Variants in SLC44A1 observed in about 807,000 individuals in gnomAD.
SLC44A1 encodes solute carrier family 44 member 1, also known as choline transporter-like protein 1.
A neutral mutation model predicts 79.3 loss-of-function variants in SLC44A1; 26 were observed. That is an observed-to-expected ratio of 0.33 (90% CI 0.24 to 0.46). The LOEUF (loss-of-function observed/expected upper bound fraction) is 0.46. SLC44A1 is among the 20% of genes least tolerant of loss of function. The pLI, the probability that SLC44A1 is intolerant of heterozygous loss-of-function variation, is 1.00. For missense variants in SLC44A1, 688 were observed against 798.1 expected (o/e 0.86, Z 1.66); for synonymous variants, 263 against 286.2 (o/e 0.92, Z 0.82).
At chr9:105,354,194 G>T (rs1356464816) in intron 5 of SLC44A1, among the ~76,000 whole-genome samples, 1 of 150,126 alleles carries the variant, frequency 6.7e-6, no homozygotes, top group Non-Finnish European at 1.5e-5. Flanking sequence ...GGGACTACAG[G>T]CGCCCGCTAC....
intron 3 of SLC44A1, among the ~76,000 whole-genome samples, chr9:105,329,144 G>T (rs924315580): frequency 6.6e-6 from 1 of 152,164 alleles, no homozygotes; most frequent in Non-Finnish European, 1.5e-5. Flanking sequence ...AGGCTGTCAT[G>T]GTTTTCAGTT....
Position 105,396,063 on chromosome 9 carries a change from G to GT in SLC44A1, c.*7012dup, listed in dbSNP as rs1393636855. ...CAGAACTTGGTTTTTGGCCCCTATT[G>GT]TTTTTGCCTATTTTGATTTTCAGAG... is the stretch of plus-strand genomic sequence containing the variant. On this transcript the variant is annotated 3_prime_UTR_variant, in exon 16 of 16. Transcript: ENST00000374720. The GT allele has an allele frequency of 7.1e-6, 7 of 985,152 alleles. No homozygotes were observed. The highest frequency in any genetic ancestry group is 6.0e-6 in the Non-Finnish European group (5 of 829,932). The allele number at this position is 985,152 out of a possible 1,614,324, so 61.0% of individuals were successfully genotyped here. A position where few individuals can be genotyped will look rare whatever the true frequency, so the allele number is the denominator to read the frequency against.
At chr9:105,321,274 T>A (rs1826385377) in intron 3 of SLC44A1, among the ~76,000 whole-genome samples, 1 of 152,194 alleles carries the variant, frequency 6.6e-6, no homozygotes, top group Non-Finnish European at 1.5e-5. Flanking sequence ...GTTTATCTTT[T>A]TTCTCCCATA....
At chr9:105,270,732 T>C (rs976856492) in intron 1 of SLC44A1, among the ~76,000 whole-genome samples, 1 of 152,226 alleles carries the variant, frequency 6.6e-6, no homozygotes, top group African/African-American at 2.4e-5. Context: ...GAAATCATTA[T>C]CTATTTTTTG....
chr9:105,423,912 G>C (rs1013901662), intron 15 of SLC44A1, among the ~76,000 whole-genome samples: 10 of 152,110 alleles, frequency 6.6e-5, no homozygotes, highest in African/African-American at 2.4e-4. Flanking sequence ...GATATAGAAG[G>C]AAACATTGTT....
At chr9:105,345,306 G>A (rs966715585) in intron 4 of SLC44A1, among the ~76,000 whole-genome samples, 2 of 152,184 alleles carry the variant, frequency 1.3e-5, no homozygotes, top group Non-Finnish European at 2.9e-5. Flanking sequence ...ATAAAAAAAT[G>A]TAGGATAACT....
At chr9:105,364,036 T>A (rs1352172463) in intron 9 of SLC44A1, among the ~76,000 whole-genome samples, 1 of 152,210 alleles carries the variant, frequency 6.6e-6, no homozygotes, top group Non-Finnish European at 1.5e-5. Flanking sequence ...GATGATATAG[T>A]TCATAGTTAG....
chr9:105,352,826 C>T (rs2131391607), intron 5 of SLC44A1, among the ~76,000 whole-genome samples: 1 of 152,206 alleles, frequency 6.6e-6, no homozygotes, highest in Non-Finnish European at 1.5e-5. Flanking sequence ...CAAACCATTT[C>T]AATGACTCGA....
At position 105,364,656 on chromosome 9, in the gene SLC44A1, G is replaced by A; in HGVS notation, c.1189G>A (p.Glu397Lys). 5 of 1,614,124 alleles carry A rather than the reference G, an allele frequency of 3.1e-6. No homozygotes were observed. Among genetic ancestry groups the A allele is most frequent in the Non-Finnish European group, 4.2e-6 (5 of 1,180,008 alleles). Residue 397 changes from glutamate (E) to lysine (K), a missense_variant, in exon 10 of 16, where the codon GAA becomes AAA. Glu to Lys is a moderately conservative substitution (Grantham distance 56). Coordinates refer to ENST00000374720, the MANE Select transcript of SLC44A1 (RefSeq NM_080546.5). Reference protein sequence around the residue: ...YHVVGLIWISEFILACQQMTV... With the variant: ...YHVVGLIWISKFILACQQMTV... ...TGTGGTGGGCCTGATTTGGATCAGT[G>A]AATTTATTCTAGCATGTCAGCAGAT...
intron 13 of SLC44A1, among the ~76,000 whole-genome samples, chr9:105,377,430 T>G (rs1828323810): frequency 6.6e-6 from 1 of 152,062 alleles, no homozygotes; most frequent in African/African-American, 2.4e-5. Flanking sequence ...TTCTCTATAT[T>G]GAGTATGCAT....
intron 3 of SLC44A1, among the ~76,000 whole-genome samples, chr9:105,334,508 A>G (rs1187854768): frequency 6.6e-6 from 1 of 152,132 alleles, no homozygotes; most frequent in Non-Finnish European, 1.5e-5. Context: ...TTGCATAGCA[A>G]CAGAGTTTAA....
At chr9:105,403,827 G>T (rs533302890) in intron 15 of SLC44A1, among the ~76,000 whole-genome samples, 1 of 142,908 alleles carries the variant, frequency 7.0e-6, no homozygotes, top group Non-Finnish European at 1.5e-5. Context: ...AATCTGTACT[G>T]AAGTGTAGGT....
chr9:105,427,156 C>CAGGA (rs1465952868), intron 15 of SLC44A1, among the ~76,000 whole-genome samples: 2 of 152,174 alleles, frequency 1.3e-5, no homozygotes, highest in Admixed American at 1.3e-4. Context: ...TAGTCTTGAA[C>CAGGA]TCCTGAGCTC....
chr9:105,423,165 G>T (rs1052915953), intron 15 of SLC44A1, among the ~76,000 whole-genome samples: 1 of 152,180 alleles, frequency 6.6e-6, no homozygotes, highest in African/African-American at 2.4e-5. Context: ...AATGGGCCAG[G>T]CGTGGTGGCT....
At chr9:105,331,982 A>G (rs377090799) in intron 3 of SLC44A1, among the ~76,000 whole-genome samples, 7 of 152,324 alleles carry the variant, frequency 4.6e-5, no homozygotes, top group Admixed American at 3.3e-4. Context: ...TAACACCTAC[A>G]CACCCAACAA....
chr9:105,284,579 A>T (rs1224393858), intron 1 of SLC44A1, among the ~76,000 whole-genome samples: 1 of 151,976 alleles, frequency 6.6e-6, no homozygotes, highest in Non-Finnish European at 1.5e-5. Flanking sequence ...GTAACTTCTG[A>T]TTTCTCAGAA....
chr9:105,381,189 A>T (rs539476221), intron 13 of SLC44A1, among the ~76,000 whole-genome samples: 4 of 152,230 alleles, frequency 2.6e-5, no homozygotes, highest in African/African-American at 9.6e-5. Flanking sequence ...AATGTGCAAG[A>T]TTTGGAGAGT....
chr9:105,297,676 C>T (rs943803935), intron 1 of SLC44A1, among the ~76,000 whole-genome samples: 2 of 152,212 alleles, frequency 1.3e-5, no homozygotes, highest in Non-Finnish European at 2.9e-5. Flanking sequence ...GCCACCATGC[C>T]TGGCCTGTGC....
chr9:105,260,062 C>T (rs1362630572), intron 1 of SLC44A1, among the ~76,000 whole-genome samples: 1 of 152,098 alleles, frequency 6.6e-6, no homozygotes. Context: ...TTAAATGTTT[C>T]TTATGTAAGA....
Sources: allele counts gnomAD v4.1 joint callset (sites outside exome capture counted in the v4.1 genomes callset), GRCh38; gene constraint gnomAD v4.1.1; transcripts MANE v1.5; gene names NCBI Gene and HGNC (gene_info 2026-07-23, HGNC 2026-07-21).